The following XPR1 variants were observed in gnomAD, a reference collection of about 807,000 sequenced individuals.
XPR1 encodes xenotropic and polytropic retrovirus receptor 1.
In XPR1, 28 loss-of-function variants were observed where a neutral mutation model predicts 87.5. The ratio of observed to expected loss-of-function variants is 0.32; its 90% confidence interval spans 0.24 to 0.44. The LOEUF is 0.44. Among genes scored for constraint, XPR1 ranks in the 20% least tolerant of loss-of-function variants. The pLI, the probability that XPR1 is intolerant of heterozygous loss-of-function variation, is 1.00. For missense variants in XPR1, 559 were observed against 862.3 expected, an observed-to-expected ratio of 0.65 and a Z score of 4.41; for synonymous variants, 300 against 306.1, an observed-to-expected ratio of 0.98 and a Z score of 0.21.
intron 1 of XPR1, among the ~76,000 whole-genome samples, chr1:180,664,778 T>C (rs1433488626): frequency 1.3e-5 from 2 of 152,190 alleles, no homozygotes; most frequent in African/African-American, 4.8e-5. Flanking sequence ...CACCAGGGGC[T>C]GGTTTCATGG....
chr1:180,715,017 T>A (rs1657940763), intron 2 of XPR1, among the ~76,000 whole-genome samples: 1 of 152,178 alleles, frequency 6.6e-6, no homozygotes, highest in Non-Finnish European at 1.5e-5. Flanking sequence ...AATCTCAAAT[T>A]CTCTGCTCAA....
intron 1 of XPR1, among the ~76,000 whole-genome samples, chr1:180,640,848 T>C (rs1654940286): frequency 6.6e-6 from 1 of 152,210 alleles, no homozygotes; most frequent in South Asian, 2.1e-4. Flanking sequence ...GCTACAGTTT[T>C]GGTGTTTGGC....
At chr1:180,729,687 A>G (rs1186234843) in intron 2 of XPR1, among the ~76,000 whole-genome samples, 2 of 152,120 alleles carry the variant, frequency 1.3e-5, no homozygotes, top group Admixed American at 1.3e-4. Flanking sequence ...CTTGTTGGCC[A>G]TGTGTATATC....
At chr1:180,724,963 A>G (rs1167703959) in intron 2 of XPR1, among the ~76,000 whole-genome samples, 2 of 152,184 alleles carry the variant, frequency 1.3e-5, no homozygotes, top group Non-Finnish European at 2.9e-5. Flanking sequence ...TCGCCATAAA[A>G]CTCATACCAT....
At chr1:180,786,123 A>T (rs1014451094) in intron 2 of XPR1, among the ~76,000 whole-genome samples, 1 of 152,050 alleles carries the variant, frequency 6.6e-6, no homozygotes, top group Non-Finnish European at 1.5e-5. Flanking sequence ...GCATTATCTG[A>T]TCAGGTCTAA....
At chr1:180,682,331 C>T (rs1191395313) in intron 1 of XPR1, 29 bp from the exon 2 acceptor site, 1 of 1,551,902 alleles carries the variant, frequency 6.4e-7, no homozygotes, top group South Asian at 1.2e-5. Context: ...CTCATGATTT[C>T]ATATATTGTT....
intron 2 of XPR1, among the ~76,000 whole-genome samples, chr1:180,690,169 A>AT (rs1656931279): frequency 6.6e-6 from 1 of 151,832 alleles, no homozygotes; most frequent in Admixed American, 6.6e-5. Context: ...AAAAAAAAAA[A>AT]GTGTATTTAA....
At chr1:180,639,729 C>G (rs996038867) in intron 1 of XPR1, among the ~76,000 whole-genome samples, 1 of 152,052 alleles carries the variant, frequency 6.6e-6, no homozygotes, top group African/African-American at 2.4e-5. Flanking sequence ...TTCAGGACCA[C>G]TTGAAACTCT....
At chr1:180,695,801 TA>T (rs2101963450) in intron 2 of XPR1, among the ~76,000 whole-genome samples, 1 of 152,254 alleles carries the variant, frequency 6.6e-6, no homozygotes, top group African/African-American at 2.4e-5. Flanking sequence ...TGTATGTAGT[TA>T]GTCCAGTATC....
At chr1:180,713,309 CTATA>C (rs1657871267) in intron 2 of XPR1, among the ~76,000 whole-genome samples, 1 of 151,980 alleles carries the variant, frequency 6.6e-6, no homozygotes, top group Non-Finnish European at 1.5e-5. Flanking sequence ...TGCAAAAGTA[CTATA>C]TATATAAAGA....
intron 6 of XPR1, among the ~76,000 whole-genome samples, chr1:180,810,423 A>T (rs1398156647): frequency 6.6e-6 from 1 of 152,124 alleles, no homozygotes; most frequent in Admixed American, 6.6e-5. Context: ...TCTACAAAAA[A>T]TACAAAACTT....
chr1:180,779,987 T>C (rs1648874197), intron 2 of XPR1, among the ~76,000 whole-genome samples: 1 of 152,248 alleles, frequency 6.6e-6, no homozygotes, highest in Non-Finnish European at 1.5e-5. Flanking sequence ...ATCCATGTTG[T>C]AGCATGGAAC....
chr1:180,763,839 C>T (rs1648148609), intron 2 of XPR1, among the ~76,000 whole-genome samples: 1 of 152,182 alleles, frequency 6.6e-6, no homozygotes, highest in Non-Finnish European at 1.5e-5. Flanking sequence ...GGACCCACTT[C>T]CTGGTCCCTC....
At chr1:180,863,621 A>G in intron 11 of XPR1, 87 bp from the exon 12 acceptor site, 1 of 1,211,220 alleles carries the variant, frequency 8.3e-7, no homozygotes, top group Non-Finnish European at 1.1e-6. Context: ...AGCTATTTTA[A>G]GAATCTGTTT....
chr1:180,782,477 C>G (rs906706837), intron 2 of XPR1, among the ~76,000 whole-genome samples: 2 of 151,970 alleles, frequency 1.3e-5, no homozygotes, highest in Admixed American at 1.3e-4. Context: ...CAAACATGGC[C>G]TATCCTCTGT....
intron 11 of XPR1, among the ~76,000 whole-genome samples, chr1:180,852,922 A>G (rs894510655): frequency 2.0e-5 from 3 of 152,266 alleles, no homozygotes; most frequent in East Asian, 3.9e-4. Context: ...ACTTTATCAT[A>G]GCAGTACTAT....
At chr1:180,797,857 G>T (rs553093268) in intron 3 of XPR1, among the ~76,000 whole-genome samples, 1 of 152,102 alleles carries the variant, frequency 6.6e-6, no homozygotes, top group East Asian at 1.9e-4. Flanking sequence ...ATTTCTTTTG[G>T]CCTAGAAGCA....
chr1:180,778,551 A>C (rs1208894561), intron 2 of XPR1, among the ~76,000 whole-genome samples: 1 of 152,100 alleles, frequency 6.6e-6, no homozygotes, highest in Non-Finnish European at 1.5e-5. Context: ...TGTCCTGGAA[A>C]TTGTAGAATA....
intron 1 of XPR1, among the ~76,000 whole-genome samples, chr1:180,668,123 CTTTTTTTTTT>C (rs758456790): frequency 1.1e-5 from 1 of 94,700 alleles, no homozygotes; most frequent in Non-Finnish European, 2.0e-5. Flanking sequence ...TTCCCTCTAT[CTTTTTTTTTT>C]TTTTTTTTTT....
Sources: gnomAD v4.1 joint callset for allele counts (sites outside exome capture counted in the v4.1 genomes callset) on GRCh38, gnomAD v4.1.1 for gene constraint, MANE v1.5 for transcripts, NCBI Gene and HGNC (gene_info 2026-07-23, HGNC 2026-07-21) for gene names.